MGAM2: variants seen among roughly 807,000 people sequenced by gnomAD.
MGAM2 encodes the protein probable maltase-glucoamylase 2.
A neutral mutation model predicts 96.1 loss-of-function variants in MGAM2; 98 were observed. The ratio of observed to expected loss-of-function variants is 1.02; its 90% confidence interval spans 0.87 to 1.21. MGAM2 has a LOEUF of 1.21. Ranked by LOEUF, MGAM2 falls within the 50% of genes most tolerant of loss-of-function variation. The pLI is 0.00. For synonymous variants in MGAM2, 749 were observed against 414.8 expected (o/e 1.81, Z -9.79); for missense variants, 2,055 against 1,182.4 (o/e 1.74, Z -10.82).
intron 3 of MGAM2, 117 bp downstream of exon 3, chr7:142,120,498 GTTCT>G: frequency 1.8e-6 from 1 of 560,138 alleles, no homozygotes; most frequent in East Asian, 2.8e-5. Context: ...TTTGTTTGGA[GTTCT>G]TTCTTTCTTA....
intron 17 of MGAM2, among the ~76,000 whole-genome samples, chr7:142,157,121 T>C (rs568415748): frequency 6.6e-6 from 1 of 152,194 alleles, no homozygotes; most frequent in African/African-American, 2.4e-5. Flanking sequence ...GGACAAAAAA[T>C]GTTAAAATTA....
rs1269813664 is a variant in MGAM2 at position 142,158,255 on chromosome 7, C to G, written c.2086C>G (p.Gln696Glu). The change falls in exon 19 of 48, where the codon CAG (glutamine) becomes GAG (glutamate). Residue 696 changes from glutamine (Q) to glutamate (E), a missense_variant. Coordinates refer to ENST00000477922, the MANE Select transcript of MGAM2 (RefSeq NM_001293626.2). ...VARPLVHEFYQDSATWDVHEQ... is the reference protein window; with the variant it reads ...VARPLVHEFYEDSATWDVHEQ... ...GTGCTACCTCTTTACTAGGTTCTAC[C>G]AGGACTCAGCCACGTGGGATGTGCA... The G allele has an allele frequency of 4.3e-6, 3 of 702,842 alleles. No homozygotes were observed. In the Admixed American group the frequency reaches 6.0e-5, roughly 14 times the overall value. The allele number at this position is 702,842 out of a possible 1,614,324, so 43.5% of individuals were successfully genotyped here.
Position 142,173,306 on chromosome 7 carries a change from T to C in MGAM2, c.3639T>C (p.Ala1213=), listed in dbSNP as rs753338152. ...HLSRYGYQND[A]EISSLYDAMV... ...GTCGCTATGGATACCAGAATGATGC[T>C]GAAATCTCCAGTTTGTATGATGCAA... Residue 1213 remains alanine (A), a synonymous_variant, in exon 31 of 48, where the codon GCT becomes GCC. Transcript: ENST00000477922. The C allele has an allele frequency of 3.7e-5, 26 of 702,960 alleles. No homozygotes were observed. Among genetic ancestry groups the C allele is most frequent in the Non-Finnish European group, 6.8e-5 (26 of 384,906 alleles). The allele number at this position is 702,960 out of a possible 1,614,324, so 43.5% of individuals were successfully genotyped here. A position where few individuals can be genotyped will look rare whatever the true frequency, so the allele number is the denominator to read the frequency against.
At chr7:142,118,219 G>T (rs576028276) in intron 2 of MGAM2, among the ~76,000 whole-genome samples, 1 of 152,172 alleles carries the variant, frequency 6.6e-6, no homozygotes, top group South Asian at 2.1e-4. Flanking sequence ...TTGCTTCTGT[G>T]AATTTGACTA....
chr7:142,155,334 T>C (rs560822772), intron 17 of MGAM2, among the ~76,000 whole-genome samples: 1 of 152,286 alleles, frequency 6.6e-6, no homozygotes, highest in East Asian at 1.9e-4. Flanking sequence ...ATTCCACCTT[T>C]AGGCTCGTCT....
intron 3 of MGAM2, among the ~76,000 whole-genome samples, chr7:142,121,224 T>A (rs1313519823): frequency 6.7e-6 from 1 of 149,454 alleles, no homozygotes; most frequent in East Asian, 1.9e-4. Context: ...GTCTCCTGGC[T>A]GGAGTGCAGT....
intron 23 of MGAM2, among the ~76,000 whole-genome samples, chr7:142,164,330 C>T (rs187493697): frequency 1.2e-4 from 19 of 152,224 alleles, no homozygotes; most frequent in Middle Eastern, 3.4e-3. Context: ...ATCTGAAAAA[C>T]GAGGGTAATT....
At chr7:142,142,361 T>A (rs1795255452) in intron 12 of MGAM2, among the ~76,000 whole-genome samples, 1 of 152,082 alleles carries the variant, frequency 6.6e-6, no homozygotes, top group South Asian at 2.1e-4. Context: ...CACTTATGAG[T>A]CATTTCAATA....
chr7:142,186,845 T>TAG (rs1796715047), intron 35 of MGAM2, among the ~76,000 whole-genome samples: 1 of 152,176 alleles, frequency 6.6e-6, no homozygotes, highest in South Asian at 2.1e-4. Context: ...TTGAGATAGT[T>TAG]AGGCACAGAA....
intron 37 of MGAM2, among the ~76,000 whole-genome samples, chr7:142,190,858 G>T (rs1458261607): frequency 6.6e-6 from 1 of 151,900 alleles, no homozygotes; most frequent in Non-Finnish European, 1.5e-5. Context: ...GTTGTGGCCA[G>T]GCGTGGTGGC....
chr7:142,153,545 C>T (rs747805911), intron 15 of MGAM2, among the ~76,000 whole-genome samples: 3 of 152,094 alleles, frequency 2.0e-5, no homozygotes, highest in Non-Finnish European at 4.4e-5. Context: ...CAGAGGTGTA[C>T]CAGCTGGTGC....
At chr7:142,129,024 G>A (rs932512188) in intron 3 of MGAM2, among the ~76,000 whole-genome samples, 1 of 152,230 alleles carries the variant, frequency 6.6e-6, no homozygotes, top group South Asian at 2.1e-4. Context: ...GAGGGGGGCT[G>A]TACATGCAGA....
chr7:142,212,499 T>G (rs1797617931), intron 46 of MGAM2, among the ~76,000 whole-genome samples: 1 of 152,060 alleles, frequency 6.6e-6, no homozygotes, highest in East Asian at 1.9e-4. Flanking sequence ...AATAAAGGGA[T>G]GGAGGAAGAT....
Position 142,143,906 on chromosome 7 carries a change from A to C in MGAM2, c.1431+24A>C, listed in dbSNP as rs1475606357. The C allele has an allele frequency of 7.1e-6, 5 of 701,008 alleles. No homozygotes were observed. In the East Asian group the frequency reaches 1.1e-4, roughly 15 times the overall value. 43.4% of individuals were successfully genotyped at this position (701,008 alleles called of 1,614,324 possible). A position where few individuals can be genotyped will look rare whatever the true frequency, so the allele number is the denominator to read the frequency against. On this transcript the variant is annotated intron_variant, in intron 13 of 47. Coordinates refer to ENST00000477922, the MANE Select transcript of MGAM2 (RefSeq NM_001293626.2). ...TTGTAAGTTATTATTCCTGACTCAA[A>C]TTTCCTTTGGAAACAGATAACGCCA...
At chr7:142,134,174 G>C in intron 7 of MGAM2, 22 bp downstream of exon 7, 1 of 721,952 alleles carries the variant, frequency 1.4e-6, no homozygotes, top group Middle Eastern at 2.3e-4. Context: ...TTCCTCCTGA[G>C]TATCGCCCAC....
At chr7:142,212,598 A>G (rs1797620969) in intron 46 of MGAM2, among the ~76,000 whole-genome samples, 1 of 152,216 alleles carries the variant, frequency 6.6e-6, no homozygotes, top group Non-Finnish European at 1.5e-5. Flanking sequence ...AAATATCAAA[A>G]AAGACAAAGA....
At chr7:142,114,196 A>AAGAG (rs1425240520) in intron 1 of MGAM2, among the ~76,000 whole-genome samples, 2 of 134,478 alleles carry the variant, frequency 1.5e-5, no homozygotes, top group South Asian at 2.4e-4. Flanking sequence ...GAAAGAAAGA[A>AAGAG]AGAAAGAAAG....
At chr7:142,126,381 T>C (rs1794735034) in intron 3 of MGAM2, among the ~76,000 whole-genome samples, 1 of 152,030 alleles carries the variant, frequency 6.6e-6, no homozygotes, top group Non-Finnish European at 1.5e-5. Flanking sequence ...ACCAGAACTA[T>C]TCTAGTTTTA....
At chr7:142,188,031 A>G (rs1054001678) in intron 36 of MGAM2, among the ~76,000 whole-genome samples, 197 bp downstream of exon 36, 1 of 152,104 alleles carries the variant, frequency 6.6e-6, no homozygotes, top group Admixed American at 6.6e-5. Flanking sequence ...GTGGTGTGAA[A>G]GAAACCAAAC....
Sources: allele counts gnomAD v4.1 joint callset (sites outside exome capture counted in the v4.1 genomes callset), GRCh38; gene constraint gnomAD v4.1.1; transcripts MANE v1.5; gene names NCBI Gene and HGNC (gene_info 2026-07-23, HGNC 2026-07-21).